SLC35D1: variants seen among roughly 807,000 people sequenced by gnomAD.
SLC35D1 encodes the protein nucleotide sugar transporter SLC35D1.
Under a neutral mutation model 46.7 loss-of-function variants are expected in SLC35D1, and 31 were observed. The observed-to-expected ratio is 0.66, with a 90% CI of 0.50 to 0.90. The LOEUF is 0.90. SLC35D1 is among the 40% of genes least tolerant of loss of function. SLC35D1 has a pLI of 0.00. For synonymous variants in SLC35D1, 195 were observed against 164.6 expected, an observed-to-expected ratio of 1.18 and a Z score of -1.41; for missense variants, 397 against 426.2, an observed-to-expected ratio of 0.93 and a Z score of 0.60.
the SLC35D1 span, among the ~76,000 whole-genome samples, chr1:66,991,972 T>C: frequency 1.3e-5 from 2 of 152,144 alleles, no homozygotes; most frequent in Non-Finnish European, 2.9e-5. Flanking sequence ...GTTGAGATTA[T>C]AAATGGGATA....
In SLC35D1 at chr1:67,000,888, T is replaced by G. The variant is rs1224252909; in HGVS notation, c.*3452A>C. Reference sequence around the variant, plus strand: ...ACTAATATGAGTTACAAAAGTCCTCTCGGATTAAAAAAATGCTTTAGCTCT... The same window carrying G: ...ACTAATATGAGTTACAAAAGTCCTCGCGGATTAAAAAAATGCTTTAGCTCT... On this transcript the variant is annotated 3_prime_UTR_variant, in exon 12 of 12. Coordinates refer to ENST00000235345, the MANE Select transcript of SLC35D1 (RefSeq NM_015139.3). 2 of 152,280 alleles carry G rather than the reference T, an allele frequency of 1.3e-5. No individual in the cohort carries two copies. The highest frequency in any genetic ancestry group is 2.9e-5 in the Non-Finnish European group (2 of 68,032). The allele number at this position is 152,280 out of a possible 1,614,324, so 9.4% of individuals were successfully genotyped here. A position where few individuals can be genotyped will look rare whatever the true frequency, so the allele number is the denominator to read the frequency against.
At chr1:66,991,383 C>G in the SLC35D1 span, among the ~76,000 whole-genome samples, 2 of 152,178 alleles carry the variant, frequency 1.3e-5, no homozygotes, top group Non-Finnish European at 2.9e-5. Context: ...GCCTGAGTCC[C>G]AGTTGCCCTC....
chr1:67,051,511 C>T (rs1225826859), intron 4 of SLC35D1, among the ~76,000 whole-genome samples: 1 of 152,168 alleles, frequency 6.6e-6, no homozygotes, highest in Non-Finnish European at 1.5e-5. Flanking sequence ...GTTGCCTCTA[C>T]AGTTACATGC....
the SLC35D1 span, chr1:66,988,690 C>T: frequency 8.5e-5 from 13 of 152,372 alleles, no homozygotes; most frequent in African/African-American, 3.1e-4. Context: ...GAAGAATTGC[C>T]ATGTAAACGA....
intron 10 of SLC35D1, among the ~76,000 whole-genome samples, chr1:67,019,573 C>T (rs964864074): frequency 2.0e-5 from 3 of 152,190 alleles, no homozygotes; most frequent in African/African-American, 7.2e-5. Flanking sequence ...AAAACTTGAC[C>T]TCTGAAATCT....
In SLC35D1 at chr1:67,008,191, T is replaced by C. The variant is rs148693544; in HGVS notation, c.959+894A>G. On this transcript the variant is annotated intron_variant, in intron 11 of 11. Transcript: ENST00000235345. ...GTCTCACTCTGTTGCCAGGCTGGAG[T>C]GCAGCGGCGCAATCTCGGATCACTG... Among the ~76,000 whole-genome samples the C allele has an allele frequency of 7.1e-3, 1,082 of 152,266 alleles. 8 individuals are homozygous for C. Among genetic ancestry groups the C allele is most frequent in the Non-Finnish European group, 0.01 (712 of 68,020 alleles).
At chr1:66,984,018 C>G in the SLC35D1 span, among the ~76,000 whole-genome samples, 1 of 152,190 alleles carries the variant, frequency 6.6e-6, no homozygotes, top group Non-Finnish European at 1.5e-5. Context: ...GCCACTGCAC[C>G]CAGCCTTGTG....
At chr1:66,997,107 A>G (rs1667246063), downstream of SLC35D1, among the ~76,000 whole-genome samples, 1 of 152,208 alleles carries the variant, frequency 6.6e-6, no homozygotes, top group Admixed American at 6.5e-5. Flanking sequence ...GAAGTAAATA[A>G]CTGGACTACA....
In SLC35D1 at chr1:67,054,116, C is replaced by T; in HGVS notation, c.-103G>A. 8.5e-7 allele frequency: 1 copy of T among 1,174,536 alleles called. No homozygotes were observed. Among genetic ancestry groups the T allele is most frequent in the South Asian group, 1.5e-5 (1 of 67,474 alleles). The allele number at this position is 1,174,536 out of a possible 1,614,324, so 72.8% of individuals were successfully genotyped here. On this transcript the variant is annotated 5_prime_UTR_variant, in exon 1 of 12. Transcript: ENST00000235345. Reference sequence around the variant, plus strand: ...AGGAGTTGGGGACCGCAGACTAGGCCAGCTGCGCGCTCGCCGCCTCGACTC... The same window carrying T: ...AGGAGTTGGGGACCGCAGACTAGGCTAGCTGCGCGCTCGCCGCCTCGACTC...
At chr1:67,040,683 A>G (rs1182638059) in intron 8 of SLC35D1, among the ~76,000 whole-genome samples, 1 of 152,116 alleles carries the variant, frequency 6.6e-6, no homozygotes, top group Non-Finnish European at 1.5e-5. Context: ...CCCATTTAAA[A>G]AATGCTAAGC....
downstream of SLC35D1, chr1:66,999,329 G>A (rs1667284003): frequency 6.6e-6 from 1 of 152,284 alleles, no homozygotes; most frequent in Non-Finnish European, 1.5e-5. Context: ...GCAGACTTCT[G>A]GCTCTGGATT....
intron 8 of SLC35D1, among the ~76,000 whole-genome samples, chr1:67,036,104 G>C (rs1668118131): frequency 6.6e-6 from 1 of 152,004 alleles, no homozygotes. Context: ...CCTAACATAT[G>C]GTCTATCCTT....
chr1:66,998,481 G>A (rs1667269572), downstream of SLC35D1, among the ~76,000 whole-genome samples: 1 of 152,054 alleles, frequency 6.6e-6, no homozygotes, highest in African/African-American at 2.4e-5. Context: ...CAACAAGAGT[G>A]AAACTCCGTC....
At chr1:66,981,744 C>CT in the SLC35D1 span, 22 of 1,520,616 alleles carry the variant, frequency 1.4e-5, no homozygotes, top group Non-Finnish European at 1.9e-5. Context: ...ATTTTCAGCT[C>CT]TTTTTAATAT....
At chr1:67,022,950 C>T (rs1667842481) in intron 8 of SLC35D1, among the ~76,000 whole-genome samples, 1 of 152,182 alleles carries the variant, frequency 6.6e-6, no homozygotes, top group African/African-American at 2.4e-5. Flanking sequence ...CTAGTGTCTT[C>T]CTTCTCTTTC....
rs1376420287 is a variant in SLC35D1 at position 67,003,415 on chromosome 1, G to A, written c.*925C>T. 1 of 152,254 alleles carries A rather than the reference G, an allele frequency of 6.6e-6. No homozygotes were observed. The highest frequency in any genetic ancestry group is 2.4e-5 in the African/African-American group (1 of 41,448). The allele number at this position is 152,254 out of a possible 1,614,324, so 9.4% of individuals were successfully genotyped here. On this transcript the variant is annotated 3_prime_UTR_variant, in exon 12 of 12. Coordinates refer to ENST00000235345, the MANE Select transcript of SLC35D1 (RefSeq NM_015139.3). ...ATTCACACTATTGCCGGGTAGGTAG[G>A]GCAGGTGTTCTTAATCCAATTTACA...
chr1:67,021,441 A>C, intron 9 of SLC35D1, 94 bp downstream of exon 9: 1 of 1,312,142 alleles, frequency 7.6e-7, no homozygotes, highest in South Asian at 1.2e-5. Flanking sequence ...TGACACACTC[A>C]GGAGACCTAA....
chr1:67,013,558 T>C (rs1418688846), intron 10 of SLC35D1, among the ~76,000 whole-genome samples: 1 of 151,930 alleles, frequency 6.6e-6, no homozygotes, highest in African/African-American at 2.4e-5. Context: ...TCAAAAAATA[T>C]ATATTTTTCT....
chr1:67,041,285 A>G (rs1318954724), intron 8 of SLC35D1, among the ~76,000 whole-genome samples: 1 of 152,172 alleles, frequency 6.6e-6, no homozygotes, highest in Non-Finnish European at 1.5e-5. Flanking sequence ...TCATTAAAAC[A>G]TTTACACGTA....
Sources: gnomAD v4.1 joint callset for allele counts (sites outside exome capture counted in the v4.1 genomes callset) on GRCh38, gnomAD v4.1.1 for gene constraint, MANE v1.5 for transcripts, NCBI Gene and HGNC (gene_info 2026-07-23, HGNC 2026-07-21) for gene names.